The following ATP5PO variants were observed in gnomAD, a reference collection of about 807,000 sequenced individuals.
ATP5PO encodes the protein ATP synthase peripheral stalk subunit OSCP, mitochondrial.
ATP5PO carries 14 observed loss-of-function variants against 26.2 expected under a neutral mutation model. That is an observed-to-expected ratio of 0.53 (90% CI 0.35 to 0.83). The LOEUF (loss-of-function observed/expected upper bound fraction) is 0.83, where lower values mean the gene tolerates loss of function less well. Among genes scored for constraint, ATP5PO ranks in the 40% least tolerant of loss-of-function variants. The pLI is 0.01. For synonymous variants in ATP5PO, 106 were observed against 95.1 expected (o/e 1.12, Z -0.67); for missense variants, 241 against 258.5 (o/e 0.93, Z 0.46).
rs753603487 is a variant in ATP5PO at position 33,915,780 on chromosome 21, G to A, written c.-17C>T. ...GGCAGCCATCTTCTCCCGGGCGGCT[G>A]TAGGTCAAACCCGAGTGGGAAGAGA... On this transcript the variant is annotated 5_prime_UTR_variant, in exon 1 of 7. Coordinates refer to ENST00000290299, the MANE Select transcript of ATP5PO (RefSeq NM_001697.3). 13 of 1,565,236 alleles carry A rather than the reference G, an allele frequency of 8.3e-6. No individual in the cohort carries two copies. The highest frequency in any genetic ancestry group is 1.7e-4 in the Middle Eastern group (1 of 6,032).
Position 33,907,371 on chromosome 21 carries a change from TC to T in ATP5PO, c.410del (p.Gly137GlufsTer7), listed in dbSNP as rs771540539. On this transcript the variant is annotated frameshift_variant, in exon 5 of 7. Transcript: ENST00000290299. LOFTEE classifies it high-confidence loss of function. ...CAGAGGTCACTGTGCAAGGTACCTC[TC>T]CGCGATGGACACTCATCATGGTAGA... Reference protein sequence around the residue: ...AFSTMMSVHRGEVPCTVTSAS... With the variant: ...AFSTMMSVHRXEVPCTVTSAS... The T allele has an allele frequency of 8.1e-6, 13 of 1,612,584 alleles. No homozygotes were observed. Among genetic ancestry groups the T allele is most frequent in the Non-Finnish European group, 1.1e-5 (13 of 1,179,308 alleles).
Position 33,909,222 on chromosome 21 carries a change from CA to C in ATP5PO, c.199-12del. 1 of 1,604,236 alleles carries C rather than the reference CA, an allele frequency of 6.2e-7. No homozygotes were observed. Among genetic ancestry groups the C allele is most frequent in the East Asian group, 2.2e-5 (1 of 44,820 alleles). ...TTCCTTCAGGATTTGCTGAAAGCAT[CA>C]AAAAATAATTTCTTAAATTTTTTAG... On this transcript the variant is annotated splice_polypyrimidine_tract_variant and intron_variant, in intron 3 of 6. Coordinates refer to ENST00000290299, the MANE Select transcript of ATP5PO (RefSeq NM_001697.3).
chr21:33,905,694 G>C (rs1444058027), intron 5 of ATP5PO, among the ~76,000 whole-genome samples: 1 of 151,972 alleles, frequency 6.6e-6, no homozygotes, highest in African/African-American at 2.4e-5. Context: ...GGGTGGATTG[G>C]CTGAAGTCAG....
intron 3 of ATP5PO, among the ~76,000 whole-genome samples, chr21:33,910,590 T>C (rs1987234674): frequency 6.6e-6 from 1 of 152,194 alleles, no homozygotes; most frequent in Non-Finnish European, 1.5e-5. Context: ...TTCTCTCCAT[T>C]GTAAACATGA....
intron 5 of ATP5PO, among the ~76,000 whole-genome samples, chr21:33,904,801 C>A (rs1188048199): frequency 1.3e-5 from 2 of 152,064 alleles, no homozygotes; most frequent in African/African-American, 4.8e-5. Flanking sequence ...AGTAGAGTGG[C>A]GAGATCTCGG....
chr21:33,907,409 C>T lies in ATP5PO; in HGVS notation c.373G>A (p.Val125Ile), dbSNP rs190233927. Residue 125 changes from valine to isoleucine, a missense_variant, in exon 5 of 7, where the codon GTT (valine) becomes ATT (isoleucine). Val to Ile is a conservative substitution (Grantham distance 29, BLOSUM62 3). This residue lies in a region of ATP5PO where 39 missense variants were observed against 75.5 expected (regional missense o/e 0.52). Transcript: ENST00000290299. ...CTCATCATGGTAGAAAAGGCAGAAA[C>T]GACTCCTTGGGTATTGCTTAATCGA... is the stretch of plus-strand genomic sequence containing the variant. ...NGRLSNTQGV[V>I]SAFSTMMSVH... is the part of the protein sequence containing the mutation. 2.0e-5 allele frequency: 33 copies of T among 1,614,138 alleles called. No homozygotes were observed. Among genetic ancestry groups the T allele is most frequent in the Middle Eastern group, 1.6e-4 (1 of 6,062 alleles).
rs59334506 is a variant in ATP5PO, at chr21:33,905,918, G to GAAAAAAA, written c.441+1416_441+1422dup. On this transcript the variant is annotated intron_variant, in intron 5 of 6. Transcript: ENST00000290299. ...CAGAGTGAGACTCAGTCTCAAAAAA[G>GAAAAAAA]AAAAAAAAAAAAAAAAAAAAGAAAA... Among the ~76,000 whole-genome samples, 549 of 98,400 alleles carry GAAAAAAA rather than the reference G, an allele frequency of 5.6e-3. 26 individuals are homozygous for GAAAAAAA. The highest frequency in any genetic ancestry group is 0.018 in the African/African-American group (454 of 25,686). The allele number at this position is 98,400 out of a possible 152,430, so 64.6% of individuals were successfully genotyped here.
intron 4 of ATP5PO, among the ~76,000 whole-genome samples, chr21:33,908,533 C>A (rs981654942): frequency 3.3e-5 from 5 of 152,076 alleles, no homozygotes; most frequent in Non-Finnish European, 5.9e-5. Flanking sequence ...CATGGAGAAA[C>A]CCCATCTCTA....
intron 3 of ATP5PO, among the ~76,000 whole-genome samples, 184 bp from the exon 4 acceptor site, chr21:33,909,395 T>C (rs1387750802): frequency 6.6e-6 from 1 of 152,026 alleles, no homozygotes; most frequent in Admixed American, 6.6e-5. Flanking sequence ...TTATCCTGCC[T>C]CAGCCTCCCG....
chr21:33,915,309 T>C, intron 1 of ATP5PO: 1 of 192,532 alleles, frequency 5.2e-6, no homozygotes, highest in Non-Finnish European at 1.1e-5. Context: ...GGCCTCATTT[T>C]ATTTATAAAA....
chr21:33,906,515 T>C (rs1987174680), intron 5 of ATP5PO: 2 of 348,872 alleles, frequency 5.7e-6, no homozygotes, highest in Non-Finnish European at 1.1e-5. Context: ...AAAATGAGGT[T>C]AATTATACTT....
intron 2 of ATP5PO, 38 bp from the exon 3 acceptor site, chr21:33,912,437 G>A: frequency 6.8e-7 from 1 of 1,463,810 alleles, no homozygotes; most frequent in Non-Finnish European, 9.5e-7. Context: ...GAAAGAAAAA[G>A]GAAAATCAGT....
intron 1 of ATP5PO, chr21:33,915,433 G>A (rs748159650): frequency 6.7e-4 from 318 of 477,524 alleles, no homozygotes; most frequent in Non-Finnish European, 1.0e-3. Context: ...CCCCTTCCCC[G>A]GAATTCAGCG....
intron 3 of ATP5PO, among the ~76,000 whole-genome samples, chr21:33,909,522 T>G (rs2148606514): frequency 6.6e-6 from 1 of 152,244 alleles, no homozygotes; most frequent in Non-Finnish European, 1.5e-5. Context: ...CACCTCGGCC[T>G]CCCAAAGTGC....
At chr21:33,905,844 G>A (rs896434112) in intron 5 of ATP5PO, among the ~76,000 whole-genome samples, 5 of 147,588 alleles carry the variant, frequency 3.4e-5, no homozygotes, top group African/African-American at 7.5e-5. Context: ...CCTGGGAGGC[G>A]GAAGTTGCAG....
intron 5 of ATP5PO, 90 bp downstream of exon 5, chr21:33,907,251 T>C: frequency 8.5e-7 from 1 of 1,172,362 alleles, no homozygotes. Context: ...TCCCAATTTC[T>C]TGATTTTACC....
At chr21:33,906,016 G>A (rs1157520685) in intron 5 of ATP5PO, among the ~76,000 whole-genome samples, 2 of 151,822 alleles carry the variant, frequency 1.3e-5, no homozygotes, top group Non-Finnish European at 2.9e-5. Context: ...GCAGGTGAAT[G>A]TCTAATCTGT....
intron 3 of ATP5PO, among the ~76,000 whole-genome samples, chr21:33,910,444 G>C (rs920781442): frequency 5.3e-5 from 8 of 152,138 alleles, no homozygotes; most frequent in Non-Finnish European, 1.2e-4. Context: ...GCGTATCCTT[G>C]TATCATCCTT....
intron 5 of ATP5PO, among the ~76,000 whole-genome samples, chr21:33,904,291 G>A (rs1987140677): frequency 1.3e-5 from 2 of 152,226 alleles, no homozygotes; most frequent in South Asian, 4.1e-4. Context: ...CCCTGCCTCT[G>A]CTCTGTGTGC....
Sources: allele counts gnomAD v4.1 joint callset (sites outside exome capture counted in the v4.1 genomes callset), GRCh38; gene constraint gnomAD v4.1.1; regional missense constraint gnomAD v4.1.1; transcripts MANE v1.5; gene names NCBI Gene and HGNC (gene_info 2026-07-23, HGNC 2026-07-21).